Variants in SUMF1 observed in about 807,000 individuals in gnomAD.
The protein encoded by SUMF1 is formylglycine-generating enzyme.
Under a neutral mutation model 47.6 loss-of-function variants are expected in SUMF1, and 48 were observed. The observed-to-expected ratio is 1.01, with a 90% CI of 0.80 to 1.28. The LOEUF is 1.28. SUMF1 is among the 50% of genes most tolerant of loss of function. The pLI is 0.00. For synonymous variants in SUMF1, 230 were observed against 192.1 expected, an observed-to-expected ratio of 1.20 and a Z score of -1.63; for missense variants, 571 against 485.4, an observed-to-expected ratio of 1.18 and a Z score of -1.66.
intron 8 of SUMF1, among the ~76,000 whole-genome samples, chr3:4,328,052 CA>C (rs149201513): frequency 7.2e-4 from 108 of 150,828 alleles, no homozygotes; most frequent in African/African-American, 2.5e-3. Context: ...CCTCCCTGTA[CA>C]AAAAAAAATT....
chr3:4,256,151 CAAGAGA>C (rs1198640842), intron 8 of SUMF1, among the ~76,000 whole-genome samples: 2 of 112,394 alleles, frequency 1.8e-5, no homozygotes, highest in African/African-American at 3.7e-5. Flanking sequence ...TAAATGCCCA[CAAGAGA>C]AAGCAGGAAA....
At chr3:4,332,759 C>T (rs1699074611) in intron 8 of SUMF1, among the ~76,000 whole-genome samples, 1 of 152,120 alleles carries the variant, frequency 6.6e-6, no homozygotes. Flanking sequence ...GAGCAGTTCC[C>T]TGGTAAAGGT....
chr3:4,366,042 G>A (rs1286649666), intron 8 of SUMF1, among the ~76,000 whole-genome samples: 1 of 151,572 alleles, frequency 6.6e-6, no homozygotes, highest in Non-Finnish European at 1.5e-5. Context: ...TTGAATATTG[G>A]CCCCCACTCT....
intron 8 of SUMF1, among the ~76,000 whole-genome samples, chr3:4,335,781 G>A (rs1289464145): frequency 6.6e-6 from 1 of 151,840 alleles, no homozygotes; most frequent in African/African-American, 2.4e-5. Flanking sequence ...TCAATATGGT[G>A]AAACCCCATC....
At chr3:4,165,580 G>A (rs1258971943) in intron 8 of SUMF1, among the ~76,000 whole-genome samples, 1 of 151,954 alleles carries the variant, frequency 6.6e-6, no homozygotes, top group Non-Finnish European at 1.5e-5. Flanking sequence ...AAGAAGGGTT[G>A]GACATAAGGT....
chr3:4,050,069 G>C (rs1380144778), intron 9 of SUMF1, among the ~76,000 whole-genome samples: 1 of 151,864 alleles, frequency 6.6e-6, no homozygotes, highest in African/African-American at 2.4e-5. Context: ...CTCCTTGTCT[G>C]CTTCTGGAGC....
intron 8 of SUMF1, among the ~76,000 whole-genome samples, chr3:4,152,861 T>C (rs931772612): frequency 1.3e-5 from 2 of 151,510 alleles, no homozygotes; most frequent in Non-Finnish European, 2.9e-5. Flanking sequence ...ACTGATGGAC[T>C]CATGGATAGA....
In SUMF1 at chr3:4,313,531, G is replaced by C. The variant is rs767620834; in HGVS notation, c.1014+62799C>G. 3.7e-6 allele frequency: 6 copies of C among 1,613,996 alleles called. No homozygotes were observed. In the East Asian group the frequency reaches 1.3e-4, roughly 36 times the overall value. On this transcript the variant is annotated intron_variant and NMD_transcript_variant, in intron 8 of 12. Coordinates refer to the SUMF1 transcript ENST00000448413. Reference sequence around the variant, plus strand: ...AGAAGAACTCTCTTATGATTATTCAGGAAGATATCTTAATCTAACAGTCAG... The same window carrying C: ...AGAAGAACTCTCTTATGATTATTCACGAAGATATCTTAATCTAACAGTCAG...
chr3:4,172,969 C>G (rs572624096), intron 8 of SUMF1, among the ~76,000 whole-genome samples: 1 of 151,982 alleles, frequency 6.6e-6, no homozygotes, highest in African/African-American at 2.4e-5. Context: ...TTTTCTTCTA[C>G]GGTTTCTATG....
chr3:4,225,356 C>CA (rs1696151363), intron 8 of SUMF1, among the ~76,000 whole-genome samples: 1 of 152,128 alleles, frequency 6.6e-6, no homozygotes, highest in Non-Finnish European at 1.5e-5. Context: ...TCACCAGCCC[C>CA]AGGTTGTTTT....
chr3:4,287,417 A>AT (rs969768453), intron 8 of SUMF1, among the ~76,000 whole-genome samples: 2 of 151,892 alleles, frequency 1.3e-5, no homozygotes, highest in Non-Finnish European at 2.9e-5. Flanking sequence ...TAAAAAAAAA[A>AT]AATCTTTCAC....
At chr3:4,207,244 T>C (rs1695673253) in intron 8 of SUMF1, among the ~76,000 whole-genome samples, 1 of 152,168 alleles carries the variant, frequency 6.6e-6, no homozygotes, top group Non-Finnish European at 1.5e-5. Flanking sequence ...TTCCTTAAGA[T>C]TTCCTACATA....
At chr3:4,398,272 C>A (rs1478974809) in intron 7 of SUMF1, among the ~76,000 whole-genome samples, 1 of 152,112 alleles carries the variant, frequency 6.6e-6, no homozygotes, top group Non-Finnish European at 1.5e-5. Context: ...CAGAACCCAG[C>A]ATACAAATCT....
chr3:4,201,480 C>A (rs576748712), intron 8 of SUMF1, among the ~76,000 whole-genome samples: 1 of 152,208 alleles, frequency 6.6e-6, no homozygotes, highest in South Asian at 2.1e-4. Context: ...GGATTTCATT[C>A]TTTTCTATGG....
intron 3 of SUMF1, among the ~76,000 whole-genome samples, chr3:4,438,512 C>A (rs777475300): frequency 1.3e-5 from 2 of 152,196 alleles, no homozygotes; most frequent in Non-Finnish European, 2.9e-5. Flanking sequence ...ATCACACTGA[C>A]CTGCCTTCAG....
chr3:4,400,378 G>T lies in SUMF1; in HGVS notation c.954+10487C>A, dbSNP rs115562102. Among the ~76,000 whole-genome samples the T allele has an allele frequency of 9.7e-3, 1,474 of 152,280 alleles. 17 individuals carry two copies. The highest frequency in any genetic ancestry group is 0.032 in the African/African-American group (1,313 of 41,532). On this transcript the variant is annotated intron_variant, in intron 7 of 8. Transcript: ENST00000272902. ...TCCTAAGCATCAGTGGAGCAAAAGT[G>T]CCTATTACCATGGAAATGATAAGAA...
At chr3:4,444,147 C>T (rs1702700592) in intron 3 of SUMF1, among the ~76,000 whole-genome samples, 1 of 151,838 alleles carries the variant, frequency 6.6e-6, no homozygotes, top group Admixed American at 6.6e-5. Context: ...ATGCTTTATT[C>T]CAAAAGAAAA....
intron 3 of SUMF1, among the ~76,000 whole-genome samples, chr3:4,422,915 A>G (rs2125050382): frequency 1.3e-5 from 2 of 151,894 alleles, no homozygotes; most frequent in Middle Eastern, 6.8e-3. Context: ...AGCAGTATAC[A>G]CTGAACCCAA....
chr3:4,166,730 G>T (rs1166662692), intron 8 of SUMF1, among the ~76,000 whole-genome samples: 1 of 152,114 alleles, frequency 6.6e-6, no homozygotes, highest in East Asian at 1.9e-4. Flanking sequence ...AACTTTAAGA[G>T]TTCCACTTAT....
Sources: allele counts gnomAD v4.1 joint callset (sites outside exome capture counted in the v4.1 genomes callset), GRCh38; gene constraint gnomAD v4.1.1; transcripts MANE v1.5; gene names NCBI Gene and HGNC (gene_info 2026-07-23, HGNC 2026-07-21).